The following NRG1 variants were observed in gnomAD, a reference collection of about 807,000 sequenced individuals.
NRG1 encodes the protein pro-neuregulin-1, membrane-bound isoform.
In NRG1, 18 loss-of-function variants were observed where a neutral mutation model predicts 63.8. The observed-to-expected ratio is 0.28, with a 90% CI of 0.19 to 0.42. The LOEUF is 0.42. Ranked by LOEUF, NRG1 falls within the 10% of genes least tolerant of loss-of-function variation. The probability of loss-of-function intolerance (pLI) is 1.00; values close to 1 mark genes in which losing one functional copy is unlikely to be tolerated. For missense variants in NRG1, 762 were observed against 814.7 expected, an observed-to-expected ratio of 0.94 and a Z score of 0.79; for synonymous variants, 302 against 301.3, an observed-to-expected ratio of 1.00 and a Z score of -0.02.
At position 32,595,809 on chromosome 8, in the gene NRG1, T is replaced by C; in HGVS notation, c.101-19T>C. 6.3e-7 allele frequency: 1 copy of C among 1,591,898 alleles called. No homozygotes were observed. Among genetic ancestry groups the C allele is most frequent in the Non-Finnish European group, 8.5e-7 (1 of 1,171,184 alleles). The stretch of plus-strand genomic sequence containing the variant: ...GCCTGGTGATCAGAGTTGTTTTTCA[T>C]TCTCTTTTCTTCTTTTAGCCTTGCC... On this transcript the variant is annotated intron_variant, in intron 1 of 11. Coordinates refer to ENST00000356819, the Ensembl canonical transcript of NRG1.
chr8:32,083,813 T>A (rs933451023), intron 1 of NRG1, among the ~76,000 whole-genome samples: 2 of 152,176 alleles, frequency 1.3e-5, no homozygotes, highest in African/African-American at 4.8e-5. Context: ...TGACATATAT[T>A]GTAGTTCAAT....
chr8:32,396,187 A>T (rs1004066314), intron 1 of NRG1, among the ~76,000 whole-genome samples: 3 of 151,812 alleles, frequency 2.0e-5, no homozygotes, highest in East Asian at 3.9e-4. Flanking sequence ...CTTTTTAGAC[A>T]TTTTTTTTGG....
intron 1 of NRG1, among the ~76,000 whole-genome samples, chr8:32,403,299 CAAAAAA>C (rs68127664): frequency 2.2e-5 from 2 of 89,802 alleles, no homozygotes; most frequent in African/African-American, 4.2e-5. Flanking sequence ...CACTCTGTCT[CAAAAAA>C]AAAAAAAAAA....
At chr8:32,059,465 A>G (rs901213353) in intron 1 of NRG1, among the ~76,000 whole-genome samples, 2 of 151,998 alleles carry the variant, frequency 1.3e-5, no homozygotes, top group African/African-American at 2.4e-5. Flanking sequence ...TTGTTTTATT[A>G]TAATACATCC....
intron 1 of NRG1, among the ~76,000 whole-genome samples, chr8:32,558,496 A>G (rs1034215221): frequency 2.6e-5 from 4 of 152,138 alleles, no homozygotes; most frequent in Non-Finnish European, 5.9e-5. Flanking sequence ...GTGCACCAGT[A>G]TAGGAATAAA....
intron 5 of NRG1, among the ~76,000 whole-genome samples, chr8:32,658,469 C>G (rs1802045839): frequency 6.6e-6 from 1 of 152,124 alleles, no homozygotes; most frequent in African/African-American, 2.4e-5. Flanking sequence ...TTAGGACATA[C>G]TGAGTTGTAT....
At chr8:32,211,421 AT>A (rs1844693706) in intron 1 of NRG1, among the ~76,000 whole-genome samples, 1 of 152,212 alleles carries the variant, frequency 6.6e-6, no homozygotes, top group African/African-American at 2.4e-5. Context: ...ATGTGTTGGA[AT>A]CTCAAAAGTG....
intron 1 of NRG1, among the ~76,000 whole-genome samples, chr8:32,507,123 G>A (rs2129498705): frequency 6.6e-6 from 1 of 151,754 alleles, no homozygotes; most frequent in East Asian, 2.0e-4. Context: ...ATATGTTCAT[G>A]ATTAAGCTCT....
intron 1 of NRG1, among the ~76,000 whole-genome samples, chr8:32,142,278 A>C (rs1474898141): frequency 6.6e-6 from 1 of 152,124 alleles, no homozygotes; most frequent in African/African-American, 2.4e-5. Flanking sequence ...TGTATACATA[A>C]TCCTGCTTTT....
chr8:32,463,016 ATT>A (rs879910201), intron 1 of NRG1, among the ~76,000 whole-genome samples: 1 of 137,012 alleles, frequency 7.3e-6, no homozygotes, highest in Non-Finnish European at 1.6e-5. Flanking sequence ...TATGTATTTG[ATT>A]TTTTTTTTTT....
At chr8:32,577,824 C>T in intron 1 of NRG1, among the ~76,000 whole-genome samples, 1 of 151,770 alleles carries the variant, frequency 6.6e-6, no homozygotes, top group East Asian at 1.9e-4. Flanking sequence ...CATTATAGCA[C>T]TTCTTACAAA....
intron 6 of NRG1, among the ~76,000 whole-genome samples, chr8:32,732,155 CT>C (rs1323144854): frequency 6.6e-6 from 1 of 152,124 alleles, no homozygotes; most frequent in Admixed American, 6.6e-5. Flanking sequence ...TAGTTCTCAT[CT>C]TTTATATTTT....
At chr8:32,215,756 T>C (rs115116007) in intron 1 of NRG1, among the ~76,000 whole-genome samples, 3,094 of 152,258 alleles carry the variant, frequency 0.02, 102 homozygotes, top group African/African-American at 0.071. Flanking sequence ...AAAACATTGG[T>C]AGTTGCAGGG....
intron 1 of NRG1, among the ~76,000 whole-genome samples, chr8:31,724,550 T>G (rs77771775): frequency 2.4e-3 from 370 of 152,246 alleles, no homozygotes; most frequent in Non-Finnish European, 3.8e-3. Flanking sequence ...TACTCTGAAG[T>G]GCCTGATTTT....
At chr8:31,773,563 C>T (rs975922764) in intron 1 of NRG1, among the ~76,000 whole-genome samples, 2 of 152,208 alleles carry the variant, frequency 1.3e-5, no homozygotes, top group African/African-American at 2.4e-5. Context: ...CCTCCATAGT[C>T]GGTGCTCCAC....
chr8:32,521,715 A>G (rs977574888), intron 1 of NRG1, among the ~76,000 whole-genome samples: 1 of 152,204 alleles, frequency 6.6e-6, no homozygotes, highest in Non-Finnish European at 1.5e-5. Context: ...TTTCAGGAAA[A>G]GAGAGTTTTA....
intron 1 of NRG1, among the ~76,000 whole-genome samples, chr8:31,959,416 A>T (rs1805033381): frequency 6.6e-6 from 1 of 152,204 alleles, no homozygotes. Context: ...TGAATAATAC[A>T]GCTATTGCCC....
intron 1 of NRG1, among the ~76,000 whole-genome samples, chr8:31,705,061 G>T (rs1431545671): frequency 6.6e-6 from 1 of 151,894 alleles, no homozygotes; most frequent in Non-Finnish European, 1.5e-5. Flanking sequence ...TTTTGAGACG[G>T]AGTCTCTGTC....
intron 1 of NRG1, among the ~76,000 whole-genome samples, chr8:31,804,146 A>G (rs1258581576): frequency 1.3e-5 from 2 of 152,120 alleles, no homozygotes; most frequent in African/African-American, 4.8e-5. Context: ...TCCATTAACA[A>G]TATCTCGAGT....
Sources: gnomAD v4.1 joint callset for allele counts (sites outside exome capture counted in the v4.1 genomes callset) on GRCh38, gnomAD v4.1.1 for gene constraint, MANE v1.5 for transcripts, NCBI Gene and HGNC (gene_info 2026-07-23, HGNC 2026-07-21) for gene names.